CAMSAP1: variants seen among roughly 807,000 people sequenced by gnomAD.
The protein encoded by CAMSAP1 is calmodulin regulated spectrin associated protein 1.
In CAMSAP1, 58 loss-of-function variants were observed where a neutral mutation model predicts 143.5. The ratio of observed to expected loss-of-function variants is 0.40; its 90% CI spans 0.33 to 0.50. The LOEUF (loss-of-function observed/expected upper bound fraction) is 0.50, where lower values mean the gene tolerates loss of function less well. Ranked by LOEUF, CAMSAP1 falls within the 20% of genes least tolerant of loss-of-function variation. The probability of loss-of-function intolerance (pLI) is 0.45; values close to 1 mark genes in which losing one functional copy is unlikely to be tolerated. For missense variants in CAMSAP1, 1,969 were observed against 2,115.7 expected (o/e 0.93, Z 1.36); for synonymous variants, 945 against 859.3 (o/e 1.10, Z -1.74).
In CAMSAP1 at chr9:135,821,222, C is replaced by T. The variant is rs1227894851; in HGVS notation, c.3439G>A (p.Asp1147Asn). 6.2e-7 allele frequency: 1 copy of T among 1,608,294 alleles called. No homozygotes were observed. The highest frequency in any genetic ancestry group is 8.5e-7 in the Non-Finnish European group (1 of 1,179,782). ...TCCAGGGCACTGTCCAGGCCAGGGT[C>T]CGTGGGCGTCCGAGGGTGGCTGCTG... ...PASSHPRTPT[D>N]PGLDSALEPS... The change falls in exon 11 of 17, where the codon GAC (aspartate) becomes AAC (asparagine). Residue 1147 changes from aspartate (D) to asparagine (N), a missense_variant. Around this residue, in one of 4 missense-constraint regions of CAMSAP1, gnomAD observed 1,390 missense variants for 1,420.8 expected, o/e 0.98. Transcript: ENST00000389532. This position sits in a 1 kb window ranked among gnomAD's most constrained non-coding sequence, Gnocchi z 4.6.
Position 135,877,699 on chromosome 9 carries a change from C to T in CAMSAP1, c.585+3934G>A, listed in dbSNP as rs546222726. On this transcript the variant is annotated intron_variant, in intron 3 of 16. Transcript: ENST00000389532. The stretch of plus-strand genomic sequence containing the variant: ...CGGTGGTGCATGCCTGTAGTCCCAG[C>T]TACTCAGGAGGCTGGGGAGGGATAA... Among the ~76,000 whole-genome samples the T allele has an allele frequency of 4.7e-4, 72 of 152,112 alleles. No individual in the cohort carries two copies. In the Middle Eastern group the frequency reaches 0.01, roughly 22 times the overall value.
Position 135,858,079 on chromosome 9 carries a change from G to A in CAMSAP1, c.808+4388C>T, listed in dbSNP as rs115302222. Among the ~76,000 whole-genome samples the A allele has an allele frequency of 8.5e-3, 1,283 of 151,568 alleles. 26 individuals are homozygous for A. The highest frequency in any genetic ancestry group is 0.03 in the African/African-American group (1,222 of 41,306). ...TGTCCACCAGCATCCTTGGTGCTCCGTTCTGCTGTCCAGGGTCCTATAGGA... is the reference window on the plus strand; with the variant it reads ...TGTCCACCAGCATCCTTGGTGCTCCATTCTGCTGTCCAGGGTCCTATAGGA... On this transcript the variant is annotated intron_variant, in intron 5 of 16. Transcript: ENST00000389532.
At chr9:135,894,033 T>C (rs993479430) in intron 1 of CAMSAP1, among the ~76,000 whole-genome samples, 1 of 152,116 alleles carries the variant, frequency 6.6e-6, no homozygotes, top group Non-Finnish European at 1.5e-5. Flanking sequence ...GGCCTGATGC[T>C]TCCTGACTCC....
chr9:135,812,596 C>A (rs1010746613), intron 16 of CAMSAP1, among the ~76,000 whole-genome samples: 1 of 152,028 alleles, frequency 6.6e-6, no homozygotes, highest in African/African-American at 2.4e-5. Context: ...GATGGTTGTG[C>A]TACTCTATTA....
At position 135,907,531 on chromosome 9, in the gene CAMSAP1, G is replaced by A. The variant is rs1838826833; in HGVS notation, c.-372C>T. 6.7e-6 allele frequency among the ~76,000 whole-genome samples: 1 copy of A among 149,464 alleles called. No homozygotes were observed. Among genetic ancestry groups the A allele is most frequent in the African/African-American group, 2.4e-5 (1 of 41,096 alleles). ...GACAGCGGCTGAGGCGGTGGCCAAGGAGCGGGAGCGCGCTCACCGCCGGGG... is the reference window on the plus strand; with the variant it reads ...GACAGCGGCTGAGGCGGTGGCCAAGAAGCGGGAGCGCGCTCACCGCCGGGG... On this transcript the variant is annotated 5_prime_UTR_variant, in exon 1 of 17. Transcript: ENST00000389532.
chr9:135,836,523 C>T lies in CAMSAP1; in HGVS notation c.1046-8939G>A, dbSNP rs568412177. ...ATCACCACGCACTTTCCACCCATTC[C>T]GCAGCCACACAGTCATGTACCTTCT... On this transcript the variant is annotated intron_variant, in intron 7 of 16. Coordinates refer to ENST00000389532, the MANE Select transcript of CAMSAP1 (RefSeq NM_015447.4). The T allele has an allele frequency of 2.1e-5, 21 of 982,746 alleles. No individual in the cohort carries two copies. The East Asian group carries it at 3.5e-4, about 16-fold the overall frequency. 60.9% of individuals were successfully genotyped at this position (982,746 alleles called of 1,614,324 possible).
At chr9:135,846,646 T>C (rs1424451287) in intron 7 of CAMSAP1, among the ~76,000 whole-genome samples, 2 of 115,002 alleles carry the variant, frequency 1.7e-5, no homozygotes, top group Non-Finnish European at 3.4e-5. Context: ...AAAGGGCTAA[T>C]ATCCAGAATC....
rs534434299 is a variant in CAMSAP1 at position 135,820,076 on chromosome 9, C to T, written c.3822+763G>A. On this transcript the variant is annotated intron_variant, in intron 11 of 16. Coordinates refer to ENST00000389532, the MANE Select transcript of CAMSAP1 (RefSeq NM_015447.4). This position sits in a 1 kb window ranked among gnomAD's most constrained non-coding sequence, Gnocchi z 4.4. ...TCAGGTGACTCTGCTGCTGTGTGAG[C>T]ATGACGGAGTGTGCGCACACCTGGA... Among the ~76,000 whole-genome samples, 1 of 152,326 alleles carries T rather than the reference C, an allele frequency of 6.6e-6. No homozygotes were observed. Among genetic ancestry groups the T allele is most frequent in the African/African-American group, 2.4e-5 (1 of 41,570 alleles).
Position 135,822,966 on chromosome 9 carries a change from C to G in CAMSAP1, c.1695G>C (p.Arg565=). Residue 565 remains arginine (R), a synonymous_variant, in exon 11 of 17, where the codon CGG becomes CGC. Coordinates refer to ENST00000389532, the MANE Select transcript of CAMSAP1 (RefSeq NM_015447.4). The surrounding 1 kb of genome is among the most constrained non-coding windows in gnomAD (Gnocchi z 6.1). The part of the protein sequence containing the change: ...ADPEFPRASP[R]ALGLTANARS... ...GGGCATTTGCTGTAAGGCCTAAGGC[C>G]CGGGGTGAGGCCCTGGGGAACTCCG... is the stretch of plus-strand genomic sequence containing the variant. 6.2e-7 allele frequency: 1 copy of G among 1,613,908 alleles called. No homozygotes were observed. Among genetic ancestry groups the G allele is most frequent in the Non-Finnish European group, 8.5e-7 (1 of 1,179,864 alleles).
intron 7 of CAMSAP1, among the ~76,000 whole-genome samples, chr9:135,841,373 C>T (rs2131717420): frequency 6.6e-6 from 1 of 152,328 alleles, no homozygotes; most frequent in South Asian, 2.1e-4. Flanking sequence ...CATAAAACTC[C>T]CATCTCCCTG....
In CAMSAP1 at chr9:135,820,903, A is replaced by G; in HGVS notation, c.3758T>C (p.Leu1253Pro). The G allele has an allele frequency of 6.2e-7, 1 of 1,613,828 alleles. No homozygotes were observed. The highest frequency in any genetic ancestry group is 8.5e-7 in the Non-Finnish European group (1 of 1,179,874). Residue 1253 changes from leucine (L) to proline (P), a missense_variant, in exon 11 of 17, where the codon CTC (leucine) becomes CCC (proline). Transcript: ENST00000389532. This position sits in a 1 kb window ranked among gnomAD's most constrained non-coding sequence, Gnocchi z 4.4. The stretch of plus-strand genomic sequence containing the variant: ...GCTGACAAGGTCCGCCGAGCCATCG[A>G]GGCTTACCAGCTCCCCATCCTCGTC... ...APDEDGELVS[L>P]DGSADLVSEG...
intron 16 of CAMSAP1, among the ~76,000 whole-genome samples, chr9:135,814,803 TA>T (rs1361379124): frequency 6.6e-6 from 1 of 152,174 alleles, no homozygotes; most frequent in African/African-American, 2.4e-5. Context: ...CTGCATCCAC[TA>T]TCTCACTGAG....
chr9:135,818,198 C>G lies in CAMSAP1; in HGVS notation c.4169-119G>C. 1 of 1,204,148 alleles carries G rather than the reference C, an allele frequency of 8.3e-7. No homozygotes were observed. Among genetic ancestry groups the G allele is most frequent in the East Asian group, 2.6e-5 (1 of 39,110 alleles). 74.6% of individuals were successfully genotyped at this position (1,204,148 alleles called of 1,614,324 possible). A position where few individuals can be genotyped will look rare whatever the true frequency, so the allele number is the denominator to read the frequency against. Reference sequence around the variant, plus strand: ...AGCTCGGCCACACAGGCCGCGTCCCCACCCCATCCCGGGGAGCCGGGCTGC... The same window carrying G: ...AGCTCGGCCACACAGGCCGCGTCCCGACCCCATCCCGGGGAGCCGGGCTGC... On this transcript the variant is annotated intron_variant, in intron 13 of 16. Transcript: ENST00000389532. This position sits in a 1 kb window ranked among gnomAD's most constrained non-coding sequence, Gnocchi z 7.7.
chr9:135,892,272 T>A (rs1564461219), intron 1 of CAMSAP1, among the ~76,000 whole-genome samples: 1 of 151,802 alleles, frequency 6.6e-6, no homozygotes, highest in Non-Finnish European at 1.5e-5. Context: ...CCCCACAACT[T>A]GAGGTACCAG....
rs540387707 is a variant in CAMSAP1, at chr9:135,901,048, C to T, written c.160+5952G>A. Reference sequence around the variant, plus strand: ...GGATTACAGGCATGAGCCACCACGCCTAGCCTCAAAGATCTTTTCTGTAGT... The same window carrying T: ...GGATTACAGGCATGAGCCACCACGCTTAGCCTCAAAGATCTTTTCTGTAGT... On this transcript the variant is annotated intron_variant, in intron 1 of 16. Transcript: ENST00000389532. Among the ~76,000 whole-genome samples the T allele has an allele frequency of 9.5e-4, 144 of 152,274 alleles. 1 individual carries two copies. Among genetic ancestry groups the T allele is most frequent in the Middle Eastern group, 3.4e-3 (1 of 294 alleles).
intron 7 of CAMSAP1, among the ~76,000 whole-genome samples, chr9:135,829,394 G>A (rs987322199): frequency 2.6e-5 from 4 of 151,916 alleles, no homozygotes; most frequent in East Asian, 3.9e-4. Context: ...CCTGTAGCCT[G>A]TAGTCCCAGC....
chr9:135,819,040 G>A lies in CAMSAP1; in HGVS notation c.3929C>T (p.Ala1310Val), dbSNP rs766638520. ...TTCGTCACGCTTGAGCTCCACCTCC[G>A]CTTCCAGCTGCTGCTTGCGCACGCG... ...EARVRKQQLE[A>V]EVELKRDEAR... Residue 1310 changes from alanine to valine, a missense_variant, in exon 12 of 17, where the codon GCG (alanine) becomes GTG (valine). Around this residue, in one of 4 missense-constraint regions of CAMSAP1, gnomAD observed 1,390 missense variants for 1,420.8 expected, o/e 0.98. Coordinates refer to ENST00000389532, the MANE Select transcript of CAMSAP1 (RefSeq NM_015447.4). 89 of 1,606,186 alleles carry A rather than the reference G, an allele frequency of 5.5e-5. 2 individuals carry two copies. In the South Asian group the frequency reaches 8.7e-4, roughly 16 times the overall value.
At chr9:135,861,647 T>TA (rs1264827138) in intron 5 of CAMSAP1, among the ~76,000 whole-genome samples, 2 of 152,182 alleles carry the variant, frequency 1.3e-5, no homozygotes, top group Admixed American at 1.3e-4. Flanking sequence ...CTATTTTATC[T>TA]AAGAAACTAT....
chr9:135,827,642 C>A (rs1379209534), intron 7 of CAMSAP1, 58 bp from the exon 8 acceptor site: 25 of 1,414,600 alleles, frequency 1.8e-5, no homozygotes, highest in Non-Finnish European at 2.2e-5. Context: ...GCACAGAAAA[C>A]CTAACCTGCA....
Sources: allele counts gnomAD v4.1 joint callset (sites outside exome capture counted in the v4.1 genomes callset), GRCh38; gene constraint gnomAD v4.1.1; regional missense constraint gnomAD v4.1.1; non-coding constraint Gnocchi (gnomAD v3.1); transcripts MANE v1.5; gene names NCBI Gene and HGNC (gene_info 2026-07-23, HGNC 2026-07-21).